PILRA: variants seen among roughly 807,000 people sequenced by gnomAD.
PILRA encodes the protein paired immunoglobulin-like type 2 receptor alpha.
Under a neutral mutation model 33.1 loss-of-function variants are expected in PILRA, and 37 were observed. The observed-to-expected ratio is 1.12, with a 90% CI of 0.86 to 1.47. The LOEUF is 1.47. Ranked by LOEUF, PILRA falls within the 40% of genes most tolerant of loss-of-function variation. PILRA has a pLI of 0.00. For missense variants in PILRA, 312 were observed against 376.2 expected, an observed-to-expected ratio of 0.83 and a Z score of 1.41; for synonymous variants, 146 against 149.9, an observed-to-expected ratio of 0.97 and a Z score of 0.19.
chr7:100,391,192 T>A (rs1791384783), intron 3 of PILRA, among the ~76,000 whole-genome samples: 1 of 143,832 alleles, frequency 7.0e-6, no homozygotes, highest in African/African-American at 2.6e-5. Flanking sequence ...ATAATTATTA[T>A]TATTATTATT....
chr7:100,390,220 C>T (rs1226655041), intron 3 of PILRA, 114 bp downstream of exon 3: 1 of 892,224 alleles, frequency 1.1e-6, no homozygotes, highest in African/African-American at 1.7e-5. Flanking sequence ...CCCCTCAAGC[C>T]CACCGAGGCC....
intron 4 of PILRA, among the ~76,000 whole-genome samples, chr7:100,398,580 C>G (rs1213864225): frequency 6.6e-6 from 1 of 152,198 alleles, no homozygotes; most frequent in Non-Finnish European, 1.5e-5. Context: ...TGTCCCCAAC[C>G]CTTCTCTATC....
chr7:100,396,979 GTTTT>G (rs373025388), intron 3 of PILRA, among the ~76,000 whole-genome samples: 6 of 150,152 alleles, frequency 4.0e-5, no homozygotes, highest in African/African-American at 1.2e-4. Flanking sequence ...TGTTTTGTTT[GTTTT>G]TTTGTTTTTT....
intron 3 of PILRA, among the ~76,000 whole-genome samples, chr7:100,392,892 A>G (rs898881624): frequency 2.0e-5 from 3 of 152,224 alleles, no homozygotes; most frequent in Non-Finnish European, 4.4e-5. Flanking sequence ...GAGAAAAAAA[A>G]TAACCCTAGT....
chr7:100,397,330 C>CGGG (rs2130242247), intron 3 of PILRA, among the ~76,000 whole-genome samples: 1 of 151,636 alleles, frequency 6.6e-6, no homozygotes, highest in African/African-American at 2.4e-5. Context: ...AGGGGCAGGA[C>CGGG]ACAATGGGAG....
At chr7:100,385,962 A>C (rs1289124151) in intron 2 of PILRA, among the ~76,000 whole-genome samples, 1 of 147,146 alleles carries the variant, frequency 6.8e-6, no homozygotes, top group Admixed American at 6.8e-5. Context: ...CGGAGTTTCA[A>C]TCTTGTCACC....
chr7:100,382,943 G>A (rs572567036), intron 2 of PILRA, among the ~76,000 whole-genome samples: 5 of 152,310 alleles, frequency 3.3e-5, no homozygotes, highest in South Asian at 2.1e-4. Flanking sequence ...GCAAGCGTCC[G>A]TGGCTTCATT....
chr7:100,391,998 T>C (rs1743517919), intron 3 of PILRA, among the ~76,000 whole-genome samples: 1 of 152,096 alleles, frequency 6.6e-6, no homozygotes, highest in Non-Finnish European at 1.5e-5. Context: ...GATCTGAAGT[T>C]ACCATCAAGA....
At chr7:100,382,535 A>C (rs1791132018) in intron 2 of PILRA, among the ~76,000 whole-genome samples, 1 of 152,194 alleles carries the variant, frequency 6.6e-6, no homozygotes. Flanking sequence ...AAATGCAACA[A>C]TCAGCACCCT....
intron 2 of PILRA, among the ~76,000 whole-genome samples, chr7:100,374,946 CT>C (rs1438593702): frequency 6.6e-6 from 1 of 152,194 alleles, no homozygotes. Flanking sequence ...CCTGCAGTCC[CT>C]GGGTCAAGCC....
At chr7:100,379,610 G>C (rs995478994) in intron 2 of PILRA, among the ~76,000 whole-genome samples, 2 of 147,446 alleles carry the variant, frequency 1.4e-5, no homozygotes, top group African/African-American at 2.5e-5. Context: ...GGAAGTTGCA[G>C]TGAACCGAGA....
chr7:100,393,046 G>A (rs1791419830), intron 3 of PILRA, among the ~76,000 whole-genome samples: 1 of 152,112 alleles, frequency 6.6e-6, no homozygotes, highest in South Asian at 2.1e-4. Flanking sequence ...TTGGGAGGCC[G>A]AGGTGGGCAA....
At chr7:100,371,984 A>G (rs1431182267), upstream of PILRA, among the ~76,000 whole-genome samples, 2 of 152,174 alleles carry the variant, frequency 1.3e-5, no homozygotes, top group Non-Finnish European at 2.9e-5. Flanking sequence ...GCTGTTGGCT[A>G]TAAGTTCTAT....
chr7:100,393,678 T>C (rs1791435260), intron 3 of PILRA, among the ~76,000 whole-genome samples: 3 of 152,196 alleles, frequency 2.0e-5, no homozygotes, highest in African/African-American at 7.2e-5. Flanking sequence ...TCACTGTTCT[T>C]AGACACTCAG....
chr7:100,399,814 C>T lies in PILRA; in HGVS notation c.819C>T (p.Ala273=), dbSNP rs567117915. ...ACGGCATCGTCTATGCTTCCCTTGCCCTCTCCAGCTCCACCTCACCCAGAG... is the reference window on the plus strand; with the variant it reads ...ACGGCATCGTCTATGCTTCCCTTGCTCTCTCCAGCTCCACCTCACCCAGAG... ...KDDGIVYASL[A]LSSSTSPRAP... is the part of the protein sequence containing the mutation. Residue 273 remains alanine, a synonymous_variant, in exon 7 of 7, where the codon GCC becomes GCT. Coordinates refer to ENST00000198536, the MANE Select transcript of PILRA (RefSeq NM_013439.3). 6.2e-7 allele frequency: 1 copy of T among 1,612,740 alleles called. No individual in the cohort carries two copies. Among genetic ancestry groups the T allele is most frequent in the African/African-American group, 1.3e-5 (1 of 74,992 alleles).
chr7:100,398,184 C>T (rs1791539536), intron 4 of PILRA, among the ~76,000 whole-genome samples: 1 of 152,158 alleles, frequency 6.6e-6, no homozygotes, highest in Non-Finnish European at 1.5e-5. Context: ...CCATCTGTGC[C>T]CTCTGCCTGC....
At chr7:100,388,360 A>G (rs1430954493) in intron 2 of PILRA, among the ~76,000 whole-genome samples, 2 of 152,078 alleles carry the variant, frequency 1.3e-5, no homozygotes, top group Non-Finnish European at 2.9e-5. Flanking sequence ...TAGGATGTGA[A>G]GGTCAATATA....
rs1273887755 is a variant in PILRA, at chr7:100,373,679, C to T, written c.23C>T (p.Pro8Leu). ...GCCATGGGTCGGCCCCTGCTGCTGC[C>T]CCTACTGCCCTTGCTGCTGCCGCCA... The part of the protein sequence containing the change: MGRPLLL[P>L]LLPLLLPPAF... The change falls in exon 1 of 7, where the codon CCC becomes CTC. Residue 8 changes from proline to leucine, a missense_variant. By Grantham distance (98) the Pro-to-Leu change is moderately conservative. Transcript: ENST00000198536. The T allele has an allele frequency of 6.2e-7, 1 of 1,613,372 alleles. No homozygotes were observed. The highest frequency in any genetic ancestry group is 8.5e-7 in the Non-Finnish European group (1 of 1,179,730).
Position 100,397,872 on chromosome 7 carries a change from C to T in PILRA, c.674-7C>T. 6.2e-7 allele frequency: 1 copy of T among 1,613,698 alleles called. No homozygotes were observed. The highest frequency in any genetic ancestry group is 1.1e-5 in the South Asian group (1 of 91,056). The stretch of plus-strand genomic sequence containing the variant: ...GCCACCCTGACTCACTGTTGGTCCC[C>T]CTACAGGTCAGCAGCGGACTAAAGC... On this transcript the variant is annotated splice_polypyrimidine_tract_variant and splice_region_variant and intron_variant, in intron 3 of 6. Transcript: ENST00000198536.
Sources: allele counts gnomAD v4.1 joint callset (sites outside exome capture counted in the v4.1 genomes callset), GRCh38; gene constraint gnomAD v4.1.1; transcripts MANE v1.5; gene names NCBI Gene and HGNC (gene_info 2026-07-23, HGNC 2026-07-21).